Variants in FBXL20 observed in about 807,000 individuals in gnomAD.
FBXL20 encodes F-box and leucine rich repeat protein 20, also known as F-box/LRR-repeat protein 20.
FBXL20 carries 11 observed loss-of-function variants against 64.0 expected under a neutral mutation model. The observed-to-expected ratio is 0.17, with a 90% CI of 0.11 to 0.28. The LOEUF is 0.28. Ranked by LOEUF, FBXL20 falls within the 10% of genes least tolerant of loss-of-function variation. The pLI is 1.00. For synonymous variants in FBXL20, 184 were observed against 189.0 expected (o/e 0.97, Z 0.22); for missense variants, 303 against 526.2 (o/e 0.58, Z 4.15).
chr17:39,340,426 C>T (rs771235253), intron 2 of FBXL20, among the ~76,000 whole-genome samples: 10 of 152,088 alleles, frequency 6.6e-5, no homozygotes, highest in Non-Finnish European at 1.5e-4. Context: ...GACGAGGTTT[C>T]ACCATGTTGG....
intron 7 of FBXL20, among the ~76,000 whole-genome samples, chr17:39,284,838 A>G (rs1208929024): frequency 6.6e-6 from 1 of 152,224 alleles, no homozygotes; most frequent in Non-Finnish European, 1.5e-5. Flanking sequence ...AGGTGATAAG[A>G]AAAAGCTCAG....
chr17:39,318,051 G>A (rs2047314081), intron 2 of FBXL20, among the ~76,000 whole-genome samples: 1 of 151,938 alleles, frequency 6.6e-6, no homozygotes, highest in Non-Finnish European at 1.5e-5. Flanking sequence ...ATGGTGTTAG[G>A]AAACCTCATA....
intron 1 of FBXL20, among the ~76,000 whole-genome samples, chr17:39,396,596 CAAAA>C (rs35394824): frequency 9.7e-6 from 1 of 103,198 alleles, no homozygotes. Context: ...AACTCCGTCT[CAAAA>C]AAAAAAAAAA....
At chr17:39,356,528 CTATATTT>C (rs1005805940) in intron 1 of FBXL20, among the ~76,000 whole-genome samples, 2 of 152,028 alleles carry the variant, frequency 1.3e-5, no homozygotes, top group Non-Finnish European at 2.9e-5. Flanking sequence ...GCTATTTTTT[CTATATTT>C]TATAGAGACG....
chr17:39,402,394 C>CCCT (rs2048258368), upstream of FBXL20: 1 of 414,922 alleles, frequency 2.4e-6, no homozygotes, highest in Non-Finnish European at 4.1e-6. Context: ...GTGCATGGCT[C>CCCT]GGGAGGGCGA....
chr17:39,286,909 C>CTTTTTT (rs35221372), intron 6 of FBXL20, among the ~76,000 whole-genome samples: 89 of 114,472 alleles, frequency 7.8e-4, no homozygotes, highest in East Asian at 1.2e-3. Flanking sequence ...GTATCTATTT[C>CTTTTTT]TTTTTTTTTT....
At chr17:39,380,354 C>G (rs2048010312) in intron 1 of FBXL20, among the ~76,000 whole-genome samples, 1 of 152,216 alleles carries the variant, frequency 6.6e-6, no homozygotes, top group African/African-American at 2.4e-5. Context: ...CCACCAATAA[C>G]TCTGACCTCA....
intron 1 of FBXL20, among the ~76,000 whole-genome samples, chr17:39,352,347 C>T (rs942132533): frequency 1.3e-5 from 2 of 151,410 alleles, no homozygotes; most frequent in African/African-American, 4.9e-5. Context: ...TGGGCAAGAT[C>T]GCGAGACCCC....
In FBXL20 at chr17:39,276,185, C is replaced by T. The variant is rs117851879; in HGVS notation, c.697-1085G>A. Among the ~76,000 whole-genome samples the T allele has an allele frequency of 4.1e-3, 491 of 118,702 alleles. 23 individuals carry two copies. The East Asian group carries it at 0.1, about 25-fold the overall frequency. The allele number at this position is 118,702 out of a possible 152,430, so 77.9% of individuals were successfully genotyped here. On this transcript the variant is annotated intron_variant, in intron 9 of 14. Transcript: ENST00000264658. The stretch of plus-strand genomic sequence containing the variant: ...TCGCTTAACCCCAGGAGGAGATTTG[C>T]ACCACTGCACTCCACCAGGCAATAG...
chr17:39,363,530 G>T (rs978511602), intron 1 of FBXL20, among the ~76,000 whole-genome samples: 2 of 151,862 alleles, frequency 1.3e-5, no homozygotes, highest in Non-Finnish European at 2.9e-5. Context: ...GATAAATAAT[G>T]GGCCAAACAA....
intron 1 of FBXL20, among the ~76,000 whole-genome samples, chr17:39,394,707 C>T (rs1050387257): frequency 6.6e-6 from 1 of 151,596 alleles, no homozygotes; most frequent in Non-Finnish European, 1.5e-5. Flanking sequence ...TGAAATTACA[C>T]ACACTACTAC....
intron 2 of FBXL20, among the ~76,000 whole-genome samples, chr17:39,305,845 C>T (rs1489192911): frequency 2.6e-5 from 4 of 151,738 alleles, no homozygotes; most frequent in Non-Finnish European, 4.4e-5. Context: ...ATTAGCCAGG[C>T]GTGGTGGTGG....
At chr17:39,281,910 T>C (rs1233442093) in intron 8 of FBXL20, among the ~76,000 whole-genome samples, 1 of 152,206 alleles carries the variant, frequency 6.6e-6, no homozygotes, top group African/African-American at 2.4e-5. Context: ...GTGCCATGCT[T>C]ACAGTGCTGA....
At chr17:39,398,274 C>G (rs1454359490) in intron 1 of FBXL20, among the ~76,000 whole-genome samples, 1 of 151,952 alleles carries the variant, frequency 6.6e-6, no homozygotes, top group East Asian at 1.9e-4. Flanking sequence ...GGCAAGATTT[C>G]ATCTCAAAGA....
intron 2 of FBXL20, among the ~76,000 whole-genome samples, chr17:39,323,290 T>C (rs1011265707): frequency 1.3e-5 from 2 of 152,092 alleles, no homozygotes; most frequent in Non-Finnish European, 2.9e-5. Context: ...AATTCACAGC[T>C]TTCCAGAAAA....
intron 2 of FBXL20, among the ~76,000 whole-genome samples, chr17:39,316,394 C>A (rs1328892174): frequency 6.6e-6 from 1 of 151,970 alleles, no homozygotes; most frequent in African/African-American, 2.4e-5. Flanking sequence ...TATTTAACTC[C>A]CAGATACTGG....
At chr17:39,390,006 G>A (rs1030411875) in intron 1 of FBXL20, among the ~76,000 whole-genome samples, 1 of 152,056 alleles carries the variant, frequency 6.6e-6, no homozygotes, top group African/African-American at 2.4e-5. Flanking sequence ...TTTCATCTTA[G>A]GAGACACTTA....
intron 6 of FBXL20, among the ~76,000 whole-genome samples, chr17:39,289,783 C>A (rs2047020849): frequency 6.6e-6 from 1 of 151,872 alleles, no homozygotes; most frequent in Non-Finnish European, 1.5e-5. Flanking sequence ...TCAGTTGAGG[C>A]CAGTAGTTCA....
At chr17:39,285,645 TTC>T (rs1479527858) in intron 6 of FBXL20, 72 bp from the exon 7 acceptor site, 1 of 980,954 alleles carries the variant, frequency 1.0e-6, no homozygotes, top group Non-Finnish European at 1.5e-6. Flanking sequence ...TCAGACACTG[TTC>T]TTATTAAACA....
Sources: gnomAD v4.1 joint callset for allele counts (sites outside exome capture counted in the v4.1 genomes callset) on GRCh38, gnomAD v4.1.1 for gene constraint, MANE v1.5 for transcripts, NCBI Gene and HGNC (gene_info 2026-07-23, HGNC 2026-07-21) for gene names.